KIF1A: variants seen among roughly 807,000 people sequenced by gnomAD.
The protein encoded by KIF1A is kinesin-like protein KIF1A.
KIF1A carries 46 observed loss-of-function variants against 227.3 expected under a neutral mutation model. The observed-to-expected ratio is 0.20, with a 90% confidence interval of 0.16 to 0.26. The LOEUF (loss-of-function observed/expected upper bound fraction) is 0.26, where lower values mean the gene tolerates loss of function less well. KIF1A is among the 10% of genes least tolerant of loss of function. The pLI is 1.00. For synonymous variants in KIF1A, 1,022 were observed against 1,012.8 expected (o/e 1.01, Z -0.17); for missense variants, 1,683 against 2,485.9 (o/e 0.68, Z 6.87).
chr2:240,733,961 C>T (rs1362052746), intron 38 of KIF1A, among the ~76,000 whole-genome samples: 3 of 152,252 alleles, frequency 2.0e-5, no homozygotes, highest in African/African-American at 4.8e-5. Context: ...CAAGGTCTCG[C>T]CGACTCCCTG....
In KIF1A at chr2:240,729,007, C is replaced by T. The variant is rs1559481962; in HGVS notation, c.4008-2067G>A. 2.6e-5 allele frequency among the ~76,000 whole-genome samples: 4 copies of T among 152,318 alleles called. No homozygotes were observed. In the South Asian group the frequency reaches 6.2e-4, roughly 24 times the overall value. On this transcript the variant is annotated intron_variant, in intron 38 of 48. Transcript: ENST00000498729. ...CACATCAGCATCACTATCTGGTACA[C>T]GTCAGCATCCCTGTCTGGAACACGT...
chr2:240,740,037 C>G lies in KIF1A; in HGVS notation c.3901+21G>C, dbSNP rs1420999731. ...ACCAGCTCAGCCCCACCCACCAAGG[C>G]AGCCCCCACACCGCACTCACCCACG... On this transcript the variant is annotated intron_variant, in intron 37 of 48. Coordinates refer to ENST00000498729, the MANE Select transcript of KIF1A (RefSeq NM_001244008.2). This position sits in a 1 kb window ranked among gnomAD's most constrained non-coding sequence, Gnocchi z 6.1. The G allele has an allele frequency of 1.3e-6, 2 of 1,560,140 alleles. No homozygotes were observed. Among genetic ancestry groups the G allele is most frequent in the Non-Finnish European group, 8.7e-7 (1 of 1,150,578 alleles).
chr2:240,740,488 G>GACCAC lies in KIF1A; in HGVS notation c.3750-125_3750-124insGTGGT. The GACCAC allele has an allele frequency of 1.3e-6, 1 of 793,714 alleles. No individual in the cohort carries two copies. Among genetic ancestry groups the GACCAC allele is most frequent in the Non-Finnish European group, 2.1e-6 (1 of 470,654 alleles). The allele number at this position is 793,714 out of a possible 1,614,324, so 49.2% of individuals were successfully genotyped here. A position where few individuals can be genotyped will look rare whatever the true frequency, so the allele number is the denominator to read the frequency against. On this transcript the variant is annotated intron_variant, in intron 35 of 48. Transcript: ENST00000498729. The surrounding 1 kb of genome is among the most constrained non-coding windows in gnomAD (Gnocchi z 6.1). The stretch of plus-strand genomic sequence containing the variant: ...CAGCAGCTCCCTCTGGTGAAGATCA[G>GACCAC]GTGGTCTGATCCATGGAGACCACGG...
chr2:240,766,727 T>TCTCTCTCTCC lies in KIF1A; in HGVS notation c.1684+187_1684+188insGGAGAGAGAG, dbSNP rs1417611857. Among the ~76,000 whole-genome samples the TCTCTCTCTCC allele has an allele frequency of 4.4e-5, 5 of 113,082 alleles. No individual in the cohort carries two copies. Among genetic ancestry groups the TCTCTCTCTCC allele is most frequent in the African/African-American group, 2.2e-4 (5 of 22,348 alleles). The allele number at this position is 113,082 out of a possible 152,430, so 74.2% of individuals were successfully genotyped here. A position where few individuals can be genotyped will look rare whatever the true frequency, so the allele number is the denominator to read the frequency against. Reference sequence around the variant, plus strand: ...ATATCTCTCTCTCTCTCCAAATCTCTCTCTCTCTCTCTCTCTCTCTCTCAC... The same window carrying TCTCTCTCTCC: ...ATATCTCTCTCTCTCTCCAAATCTCTCTCTCTCTCCCTCTCTCTCTCTCTCTCTCTCTCAC... On this transcript the variant is annotated intron_variant, in intron 19 of 48. Transcript: ENST00000498729. The surrounding 1 kb of genome is among the most constrained non-coding windows in gnomAD (Gnocchi z 5.0).
chr2:240,763,396 C>T (rs1176674650), intron 20 of KIF1A, 50 bp from the exon 21 acceptor site: 7 of 1,507,828 alleles, frequency 4.6e-6, no homozygotes, highest in Non-Finnish European at 4.5e-6. Flanking sequence ...TCTTCAGGTC[C>T]CTGATGGTCT....
In KIF1A at chr2:240,778,518, A is replaced by ACACACACACACACACACACC; in HGVS notation, c.883-2593_883-2592insGGTGTGTGTGTGTGTGTGTG. Among the ~76,000 whole-genome samples the ACACACACACACACACACACC allele has an allele frequency of 6.8e-6, 1 of 147,692 alleles. No individual in the cohort carries two copies. Among genetic ancestry groups the ACACACACACACACACACACC allele is most frequent in the Non-Finnish European group, 1.5e-5 (1 of 66,592 alleles). On this transcript the variant is annotated intron_variant, in intron 10 of 48. Transcript: ENST00000498729. The surrounding 1 kb of genome is among the most constrained non-coding windows in gnomAD (Gnocchi z 7.2). ...GCAGCTCCCGCACAGCGTTACACACACACACACACACACACACACACACAC... is the reference window on the plus strand; with the variant it reads ...GCAGCTCCCGCACAGCGTTACACACACACACACACACACACACACCCACACACACACACACACACACACAC...
intron 5 of KIF1A, among the ~76,000 whole-genome samples, chr2:240,786,744 G>GGGGTAGGGGCCAGCATCAGGA (rs1406812678): frequency 5.7e-5 from 3 of 52,778 alleles, no homozygotes; most frequent in African/African-American, 2.5e-4. Flanking sequence ...TGCCTGCTGG[G>GGGGTAGGGGCCAGCATCAGGA]CCCCTGAGTG....
chr2:240,758,579 G>C lies in KIF1A; in HGVS notation c.2445-82C>G. 7.2e-7 allele frequency: 1 copy of C among 1,388,610 alleles called. No individual in the cohort carries two copies. Among genetic ancestry groups the C allele is most frequent in the Non-Finnish European group, 9.5e-7 (1 of 1,056,480 alleles). 86.0% of individuals were successfully genotyped at this position (1,388,610 alleles called of 1,614,324 possible). A position where few individuals can be genotyped will look rare whatever the true frequency, so the allele number is the denominator to read the frequency against. On this transcript the variant is annotated intron_variant, in intron 25 of 48. Transcript: ENST00000498729. The surrounding 1 kb of genome is among the most constrained non-coding windows in gnomAD (Gnocchi z 5.2). ...CGCACACCCTTATCTCCTGGGGACA[G>C]TGGGCTCAGCCTAGCTCTGGCCACC...
intron 29 of KIF1A, 48 bp from the exon 30 acceptor site, chr2:240,746,225 G>A (rs1247001791): frequency 1.9e-6 from 3 of 1,544,450 alleles, no homozygotes; most frequent in African/African-American, 1.4e-5. Context: ...GCCAGCCGAG[G>A]AGGGGCACCG....
In KIF1A at chr2:240,808,612, C is replaced by T. The variant is rs556823870; in HGVS notation, c.-60-10800G>A. On this transcript the variant is annotated intron_variant, in intron 1 of 48. Transcript: ENST00000498729. Reference sequence around the variant, plus strand: ...ACTTGAGCTCAGGAGTTCGAGGCTGCGGTGAGCTAATGATCACACCACTGC... The same window carrying T: ...ACTTGAGCTCAGGAGTTCGAGGCTGTGGTGAGCTAATGATCACACCACTGC... Among the ~76,000 whole-genome samples, 7 of 152,002 alleles carry T rather than the reference C, an allele frequency of 4.6e-5. No individual in the cohort carries two copies. The South Asian group carries it at 8.3e-4, about 18-fold the overall frequency.
chr2:240,721,113 C>T, intron 44 of KIF1A, 75 bp from the exon 45 acceptor site: 1 of 1,560,256 alleles, frequency 6.4e-7, no homozygotes, highest in Non-Finnish European at 8.7e-7. Flanking sequence ...GCTCCCTGTG[C>T]CTGCGCTTAC....
At position 240,758,303 on chromosome 2, in the gene KIF1A, A is replaced by AT; in HGVS notation, c.2582+56_2582+57insA. 1.9e-6 allele frequency: 3 copies of AT among 1,566,270 alleles called. No homozygotes were observed. Among genetic ancestry groups the AT allele is most frequent in the Admixed American group, 3.6e-5 (2 of 56,246 alleles). On this transcript the variant is annotated intron_variant, in intron 26 of 48. Coordinates refer to ENST00000498729, the MANE Select transcript of KIF1A (RefSeq NM_001244008.2). This position sits in a 1 kb window ranked among gnomAD's most constrained non-coding sequence, Gnocchi z 5.2. ...CAGGCCAGGGCCCACTCCTACCCCC[A>AT]CTGCCATCTCTCTCTCTCAATCTCT...
intron 38 of KIF1A, chr2:240,734,800 C>CCA: frequency 8.2e-7 from 1 of 1,221,946 alleles, no homozygotes; most frequent in Non-Finnish European, 1.1e-6. Flanking sequence ...GCAGCGGGAG[C>CCA]GGGGTGGGGG....
At chr2:240,810,217 T>C (rs61257025) in intron 1 of KIF1A, among the ~76,000 whole-genome samples, 12,097 of 152,204 alleles carry the variant, frequency 0.079, 693 homozygotes, top group African/African-American at 0.15. Context: ...AGAAGGTATC[T>C]GCAACACATA....
At chr2:240,800,144 A>ACACG (rs1412405946) in intron 1 of KIF1A, among the ~76,000 whole-genome samples, 1 of 151,466 alleles carries the variant, frequency 6.6e-6, no homozygotes, top group East Asian at 1.9e-4. Flanking sequence ...ACACACACAC[A>ACACG]CACTAAAGAA....
Position 240,741,216 on chromosome 2 carries a change from G to T in KIF1A, c.3749+53C>A, listed in dbSNP as rs4414678. 0.39 allele frequency: 490,414 copies of T among 1,269,880 alleles called. 99,292 individuals are homozygous for T. The highest frequency in any genetic ancestry group is 0.56 in the South Asian group (43,620 of 77,386). The allele number at this position is 1,269,880 out of a possible 1,614,324, so 78.7% of individuals were successfully genotyped here. ...GCAGCTCAAGTCCTCGTCCCTCTCC[G>T]CGCACCCCCCGACACACACTCACGC... On this transcript the variant is annotated intron_variant, in intron 35 of 48. Transcript: ENST00000498729.
At chr2:240,773,889 G>T (rs533269984) in intron 12 of KIF1A, among the ~76,000 whole-genome samples, 1 of 152,276 alleles carries the variant, frequency 6.6e-6, no homozygotes, top group East Asian at 1.9e-4. Context: ...CCGGCCGGCA[G>T]GTGAGTGTAA....
intron 32 of KIF1A, 57 bp from the exon 33 acceptor site, chr2:240,744,117 G>C (rs1444524412): frequency 8.6e-7 from 1 of 1,168,188 alleles, no homozygotes; most frequent in Non-Finnish European, 1.3e-6. Context: ...ATTCAAGGGG[G>C]AAGGAGAGTC....
chr2:240,802,053 C>T lies in KIF1A; in HGVS notation c.-60-4241G>A, dbSNP rs575405781. On this transcript the variant is annotated intron_variant, in intron 1 of 48. Coordinates refer to ENST00000498729, the MANE Select transcript of KIF1A (RefSeq NM_001244008.2). Reference sequence around the variant, plus strand: ...CCACACAAGGCACAGCACTGCAACACTGCTAGGACCAAGGATGAAGAGAAA... The same window carrying T: ...CCACACAAGGCACAGCACTGCAACATTGCTAGGACCAAGGATGAAGAGAAA... Among the ~76,000 whole-genome samples the T allele has an allele frequency of 8.0e-3, 1,179 of 148,056 alleles. 6 individuals carry two copies. Among genetic ancestry groups the T allele is most frequent in the Non-Finnish European group, 0.012 (843 of 67,558 alleles).
Sources: allele counts gnomAD v4.1 joint callset (sites outside exome capture counted in the v4.1 genomes callset), GRCh38; gene constraint gnomAD v4.1.1; non-coding constraint Gnocchi (gnomAD v3.1); transcripts MANE v1.5; gene names NCBI Gene and HGNC (gene_info 2026-07-23, HGNC 2026-07-21).